KLK5: variants seen among roughly 807,000 people sequenced by gnomAD.
KLK5 encodes kallikrein related peptidase 5, also known as kallikrein-5.
In KLK5, 18 loss-of-function variants were observed where a neutral mutation model predicts 24.0. That is an observed-to-expected ratio of 0.75 (90% confidence interval 0.52 to 1.11). KLK5 has a LOEUF of 1.11. Among genes scored for constraint, KLK5 ranks in the 50% most tolerant of loss-of-function variants. The pLI is 0.00. For missense variants in KLK5, 374 were observed against 379.2 expected (o/e 0.99, Z 0.11); for synonymous variants, 140 against 154.0 (o/e 0.91, Z 0.67).
rs775703245 is a variant in KLK5, at chr19:50,949,852, CACTT to C, written c.334_335+2del. ...CAACCCTCCTCTTGGAACTCCCACT[CACTT>C]CTTCCTGCAGTGGGCGGCCGTGAGC... On this transcript the variant is annotated splice_donor_variant and coding_sequence_variant, in exon 3 of 6. Coordinates refer to ENST00000336334, the MANE Select transcript of KLK5 (RefSeq NM_012427.5). LOFTEE classifies it high-confidence loss of function. 4.5e-6 allele frequency: 7 copies of C among 1,547,496 alleles called. No homozygotes were observed. In the Admixed American group the frequency reaches 1.2e-4, roughly 27 times the overall value.
chr19:50,943,895 GAC>G lies in KLK5; in HGVS notation c.727-111_727-110del, dbSNP rs1026296313. On this transcript the variant is annotated intron_variant, in intron 5 of 5. Coordinates refer to ENST00000336334, the MANE Select transcript of KLK5 (RefSeq NM_012427.5). ...ATAGATGGAGAAGCAGATGGGAACAGACACACAGAGATGGAAAGTACAGAGAT... is the reference window on the plus strand; with the variant it reads ...ATAGATGGAGAAGCAGATGGGAACAGACACAGAGATGGAAAGTACAGAGAT... 8.0e-6 allele frequency: 6 copies of G among 754,630 alleles called. No homozygotes were observed. In the East Asian group the frequency reaches 1.6e-4, roughly 21 times the overall value. 46.7% of individuals were successfully genotyped at this position (754,630 alleles called of 1,614,324 possible).
chr19:50,952,716 G>T, intron 1 of KLK5, 31 bp downstream of exon 1: 1 of 1,381,522 alleles, frequency 7.2e-7, no homozygotes. Flanking sequence ...GATCCGGGGA[G>T]CCCTTAACCC....
intron 3 of KLK5, 91 bp from the exon 4 acceptor site, chr19:50,949,206 C>A: frequency 1.1e-5 from 15 of 1,305,038 alleles, no homozygotes; most frequent in Non-Finnish European, 1.6e-5. Flanking sequence ...CCAGCCCCAC[C>A]CCCATCCCCA....
chr19:50,952,693 G>C, intron 1 of KLK5, 25 bp from the exon 2 acceptor site: 1 of 1,538,084 alleles, frequency 6.5e-7, no homozygotes, highest in Non-Finnish European at 8.8e-7. Flanking sequence ...TCAGAGGGTT[G>C]GGAGGCCCAG....
chr19:50,943,554 G>T lies in KLK5; in HGVS notation c.*77C>A. 7.6e-7 allele frequency: 1 copy of T among 1,319,416 alleles called. No individual in the cohort carries two copies. Among genetic ancestry groups the T allele is most frequent in the South Asian group, 1.3e-5 (1 of 77,104 alleles). The allele number at this position is 1,319,416 out of a possible 1,614,324, so 81.7% of individuals were successfully genotyped here. The stretch of plus-strand genomic sequence containing the variant: ...GAACATTCTCAACATCTCTGGGAAG[G>T]AATGAGGGTCTGAAAGGAGTGTCAG... On this transcript the variant is annotated 3_prime_UTR_variant, in exon 6 of 6. Transcript: ENST00000336334.
At chr19:50,945,107 T>C (rs2090620999) in intron 5 of KLK5, among the ~76,000 whole-genome samples, 1 of 151,300 alleles carries the variant, frequency 6.6e-6, no homozygotes, top group South Asian at 2.1e-4. Context: ...CGTCTCTTTT[T>C]TTTTTCTTTC....
At chr19:50,948,573 G>C in intron 5 of KLK5, 67 bp downstream of exon 5, 1 of 1,536,300 alleles carries the variant, frequency 6.5e-7, no homozygotes, top group Middle Eastern at 1.7e-4. Flanking sequence ...CTCAGAATTT[G>C]GCAACGCTCC....
chr19:50,952,408 C>T (rs190601250), intron 2 of KLK5, among the ~76,000 whole-genome samples, 177 bp downstream of exon 2: 21 of 152,254 alleles, frequency 1.4e-4, no homozygotes, highest in Middle Eastern at 3.4e-3. Flanking sequence ...CGACACACAC[C>T]GTGGCAGTCA....
chr19:50,949,377 C>G (rs181384620), intron 3 of KLK5, among the ~76,000 whole-genome samples: 1 of 151,902 alleles, frequency 6.6e-6, no homozygotes, highest in Admixed American at 6.6e-5. Context: ...CCAACCATCT[C>G]CAACCCCACC....
intron 5 of KLK5, among the ~76,000 whole-genome samples, chr19:50,945,473 G>T (rs950081180): frequency 6.6e-6 from 1 of 151,728 alleles, no homozygotes; most frequent in Non-Finnish European, 1.5e-5. Context: ...TAGCTTGAGT[G>T]GACCTCTGTT....
chr19:50,949,887 C>G lies in KLK5; in HGVS notation c.303G>C (p.Gln101His), dbSNP rs2090670442. Residue 101 changes from glutamine (Q) to histidine (H), a missense_variant, in exon 3 of 6, where the codon CAG (glutamine) becomes CAC (histidine). Physicochemically the swap from Gln to His is conservative, Grantham distance 24. Coordinates refer to ENST00000336334, the MANE Select transcript of KLK5 (RefSeq NM_012427.5). ...TGCAGTGGGCGGCCGTGAGCAGCCA[C>G]TGTGGATGCACCAACACCGCCCCGC... ...LYCGAVLVHP[Q>H]WLLTAAHCRK... 6.2e-7 allele frequency: 1 copy of G among 1,612,232 alleles called. No individual in the cohort carries two copies. The highest frequency in any genetic ancestry group is 8.5e-7 in the Non-Finnish European group (1 of 1,179,714).
chr19:50,945,128 G>A (rs995892047), intron 5 of KLK5, among the ~76,000 whole-genome samples: 4 of 126,826 alleles, frequency 3.2e-5, no homozygotes, highest in South Asian at 2.5e-4. Flanking sequence ...TGACAAAAAC[G>A]TCTTGCTTTG....
chr19:50,943,800 A>T lies in KLK5; in HGVS notation c.727-14T>A. ...CCCAGAATCACCCTGCAGGAGAGAA[A>T]GGGGGGCATGAGAGAGGCAGAGATG... is the stretch of plus-strand genomic sequence containing the variant. On this transcript the variant is annotated splice_polypyrimidine_tract_variant and intron_variant, in intron 5 of 5. Coordinates refer to ENST00000336334, the MANE Select transcript of KLK5 (RefSeq NM_012427.5). 6.2e-7 allele frequency: 1 copy of T among 1,605,296 alleles called. No homozygotes were observed. Among genetic ancestry groups the T allele is most frequent in the Non-Finnish European group, 8.5e-7 (1 of 1,173,878 alleles).
chr19:50,949,871 C>A lies in KLK5; in HGVS notation c.319G>T (p.Ala107Ser). 1 of 1,415,024 alleles carries A rather than the reference C, an allele frequency of 7.1e-7. No homozygotes were observed. The highest frequency in any genetic ancestry group is 1.5e-5 in the African/African-American group (1 of 66,772). 87.7% of individuals were successfully genotyped at this position (1,415,024 alleles called of 1,614,324 possible). Reference sequence around the variant, plus strand: ...CCCACTCACTTCTTCCTGCAGTGGGCGGCCGTGAGCAGCCACTGTGGATGC... The same window carrying A: ...CCCACTCACTTCTTCCTGCAGTGGGAGGCCGTGAGCAGCCACTGTGGATGC... ...LVHPQWLLTA[A>S]HCRKKVFRVR... The change falls in exon 3 of 6, where the codon GCC (alanine) becomes TCC (serine). Residue 107 changes from alanine (A) to serine (S), a missense_variant. Ala to Ser is a moderately conservative substitution (Grantham distance 99, BLOSUM62 1). Coordinates refer to ENST00000336334, the MANE Select transcript of KLK5 (RefSeq NM_012427.5).
intron 2 of KLK5, 83 bp from the exon 3 acceptor site, chr19:50,950,199 G>A: frequency 1.4e-6 from 2 of 1,385,846 alleles, no homozygotes; most frequent in Non-Finnish European, 2.0e-6. Flanking sequence ...GGCCAGACCA[G>A]CTAGAGGGTG....
chr19:50,949,038 T>C lies in KLK5; in HGVS notation c.413A>G (p.Lys138Arg). 3 of 1,613,714 alleles carry C rather than the reference T, an allele frequency of 1.9e-6. No individual in the cohort carries two copies. The highest frequency in any genetic ancestry group is 1.7e-6 in the Non-Finnish European group (2 of 1,179,880). ...GGAGTAGCCAGGGTGGGGGATGGAT[T>C]TGACCCCCTGGAACATCTGCTGCCC... Reference protein sequence around the residue: ...ESGQQMFQGVKSIPHPGYSHP... With the variant: ...ESGQQMFQGVRSIPHPGYSHP... Residue 138 changes from lysine (K) to arginine (R), a missense_variant, in exon 4 of 6, where the codon AAA (lysine) becomes AGA (arginine). Physicochemically the swap from Lys to Arg is conservative, Grantham distance 26. Transcript: ENST00000336334.
At chr19:50,949,825 A>T (rs1220211901) in intron 3 of KLK5, 30 bp downstream of exon 3, 3 of 531,366 alleles carry the variant, frequency 5.6e-6, no homozygotes, top group Non-Finnish European at 8.0e-6. Context: ...CCCCGTCCCC[A>T]CCAACCCTCC....
rs1301093514 is a variant in KLK5 at position 50,950,131 on chromosome 19, T to C, written c.74-15A>G. The C allele has an allele frequency of 6.4e-7, 1 of 1,559,574 alleles. No individual in the cohort carries two copies. Among genetic ancestry groups the C allele is most frequent in the East Asian group, 2.4e-5 (1 of 42,086 alleles). On this transcript the variant is annotated splice_polypyrimidine_tract_variant and intron_variant, in intron 2 of 5. Coordinates refer to ENST00000336334, the MANE Select transcript of KLK5 (RefSeq NM_012427.5). Reference sequence around the variant, plus strand: ...GAGAACATGCTCTGGGAACGGAAAATGGGTTGGGCGGGGCTCAGAGGCGGG... The same window carrying C: ...GAGAACATGCTCTGGGAACGGAAAACGGGTTGGGCGGGGCTCAGAGGCGGG...
Position 50,952,617 on chromosome 19 carries a change from G to A in KLK5, c.41C>T (p.Ala14Val). The change falls in exon 2 of 6, where the codon GCT becomes GTT. Residue 14 changes from alanine (A) to valine (V), a missense_variant. Physicochemically the swap from Ala to Val is moderately conservative, Grantham distance 64. Transcript: ENST00000336334. ...CCCCAGAAGCAAGGCTGTGATCAGAGCACAGAGCACCCACATCCAGGGGGG... is the reference window on the plus strand; with the variant it reads ...CCCCAGAAGCAAGGCTGTGATCAGAACACAGAGCACCCACATCCAGGGGGG... ...ARPPWMWVLC[A>V]LITALLLGVT... is the part of the protein sequence containing the mutation. The A allele has an allele frequency of 1.9e-6, 3 of 1,606,914 alleles. No homozygotes were observed. The highest frequency in any genetic ancestry group is 2.5e-6 in the Non-Finnish European group (3 of 1,176,756).
Sources: gnomAD v4.1 joint callset for allele counts (sites outside exome capture counted in the v4.1 genomes callset) on GRCh38, gnomAD v4.1.1 for gene constraint, MANE v1.5 for transcripts, NCBI Gene and HGNC (gene_info 2026-07-23, HGNC 2026-07-21) for gene names.